The following FAF1 variants were observed in gnomAD, a reference collection of about 807,000 sequenced individuals.
FAF1 encodes the protein Fas associated factor 1.
FAF1 carries 25 observed loss-of-function variants against 92.5 expected under a neutral mutation model. That is an observed-to-expected ratio of 0.27 (90% CI 0.20 to 0.38). FAF1 has a LOEUF of 0.38. FAF1 is among the 10% of genes least tolerant of loss of function. FAF1 has a pLI of 1.00. For missense variants in FAF1, 636 were observed against 793.3 expected (o/e 0.80, Z 2.38); for synonymous variants, 234 against 273.2 (o/e 0.86, Z 1.42).
intron 3 of FAF1, among the ~76,000 whole-genome samples, chr1:50,798,123 A>G (rs1418101679): frequency 2.6e-5 from 4 of 152,156 alleles, no homozygotes; most frequent in Non-Finnish European, 5.9e-5. Context: ...TGTGAATCAA[A>G]TCAGATTTTT....
chr1:50,705,960 G>A, intron 6 of FAF1, 69 bp from the exon 7 acceptor site: 3 of 878,762 alleles, frequency 3.4e-6, no homozygotes, highest in Non-Finnish European at 5.6e-6. Flanking sequence ...ACAGCTAGCT[G>A]CAAAAACCCC....
In FAF1 at chr1:50,874,669, T is replaced by C. The variant is rs539841288; in HGVS notation, c.46-16672A>G. On this transcript the variant is annotated intron_variant, in intron 1 of 18. Coordinates refer to ENST00000396153, the MANE Select transcript of FAF1 (RefSeq NM_007051.3). ...CCACCATGCACAGCCAACTGCCCTATATATTTCAAACCCACTTTCTAAAAA... is the reference window on the plus strand; with the variant it reads ...CCACCATGCACAGCCAACTGCCCTACATATTTCAAACCCACTTTCTAAAAA... 2.0e-5 allele frequency among the ~76,000 whole-genome samples: 3 copies of C among 151,876 alleles called. No homozygotes were observed. In the East Asian group the frequency reaches 5.8e-4, roughly 29 times the overall value.
intron 6 of FAF1, among the ~76,000 whole-genome samples, chr1:50,725,445 CAA>C (rs796146693): frequency 7.2e-5 from 11 of 152,202 alleles, no homozygotes; most frequent in African/African-American, 2.4e-4. Context: ...AGGACAAAAA[CAA>C]AAAGACATTT....
At chr1:50,459,286 T>G (rs184990733) in intron 18 of FAF1, among the ~76,000 whole-genome samples, 94 of 152,278 alleles carry the variant, frequency 6.2e-4, no homozygotes, top group Admixed American at 2.3e-3. Context: ...GAACTCAGTC[T>G]TTTAACTACT....
chr1:50,957,480 T>C (rs1323101194), intron 1 of FAF1, among the ~76,000 whole-genome samples: 1 of 150,568 alleles, frequency 6.6e-6, no homozygotes, highest in Admixed American at 6.7e-5. Flanking sequence ...GCCTCCCGAG[T>C]AGCTGGGACT....
chr1:50,623,655 A>G (rs563469328), intron 8 of FAF1, among the ~76,000 whole-genome samples: 3 of 151,394 alleles, frequency 2.0e-5, no homozygotes, highest in Admixed American at 6.6e-5. Context: ...CCAGAGCACA[A>G]ATGAGGCCAG....
chr1:50,642,384 C>T (rs1183534388), intron 8 of FAF1, among the ~76,000 whole-genome samples: 1 of 151,990 alleles, frequency 6.6e-6, no homozygotes, highest in Admixed American at 6.6e-5. Flanking sequence ...GGCACGGTGG[C>T]TCACACCTGT....
intron 1 of FAF1, among the ~76,000 whole-genome samples, chr1:50,900,605 G>T (rs1238249129): frequency 6.6e-6 from 1 of 152,042 alleles, no homozygotes; most frequent in Admixed American, 6.6e-5. Context: ...TATCTACAGA[G>T]AAAAATAATA....
rs921544551 is a variant in FAF1 at position 50,724,308 on chromosome 1, C to CACAT, written c.551+14554_551+14555insATGT. 7.6e-3 allele frequency among the ~76,000 whole-genome samples: 1,059 copies of CACAT among 140,050 alleles called. 14 individuals carry two copies. The highest frequency in any genetic ancestry group is 0.016 in the African/African-American group (642 of 39,054). The allele number at this position is 140,050 out of a possible 152,430, so 91.9% of individuals were successfully genotyped here. ...ACACACACACACATACACACACACA[C>CACAT]ACACACACACACACACACACACCCC... is the stretch of plus-strand genomic sequence containing the variant. On this transcript the variant is annotated intron_variant, in intron 6 of 18. Coordinates refer to ENST00000396153, the MANE Select transcript of FAF1 (RefSeq NM_007051.3).
At chr1:50,766,865 A>T (rs185176805) in intron 4 of FAF1, among the ~76,000 whole-genome samples, 5 of 152,072 alleles carry the variant, frequency 3.3e-5, no homozygotes, top group Admixed American at 3.3e-4. Flanking sequence ...GCTCATACAG[A>T]TGAGAAAGAA....
At chr1:50,923,640 G>T (rs1644982672) in intron 1 of FAF1, among the ~76,000 whole-genome samples, 1 of 152,038 alleles carries the variant, frequency 6.6e-6, no homozygotes, top group Non-Finnish European at 1.5e-5. Context: ...GAAAACTACA[G>T]GTCAATATCC....
intron 2 of FAF1, among the ~76,000 whole-genome samples, chr1:50,808,879 A>G (rs1662312732): frequency 6.6e-6 from 1 of 152,180 alleles, no homozygotes. Flanking sequence ...CAAATCCAGC[A>G]GCACATCCAG....
intron 4 of FAF1, among the ~76,000 whole-genome samples, chr1:50,751,769 A>G (rs1159304114): frequency 6.6e-6 from 1 of 152,186 alleles, no homozygotes; most frequent in African/African-American, 2.4e-5. Flanking sequence ...TTCTCCCTCC[A>G]TAGTTATAAG....
At chr1:50,597,631 C>A (rs1213666097) in intron 8 of FAF1, among the ~76,000 whole-genome samples, 1 of 151,924 alleles carries the variant, frequency 6.6e-6, no homozygotes, top group African/African-American at 2.4e-5. Flanking sequence ...CCAAAGAAAA[C>A]CCTTTTTCAC....
At position 50,475,476 on chromosome 1, in the gene FAF1, A is replaced by C; in HGVS notation, c.1857T>G (p.Phe619Leu). Reference sequence around the variant, plus strand: ...TATGGGAACTTACGTCTCTCCTAGGAAAGGTGCTCAGTAACTTGTACTCAT... The same window carrying C: ...TATGGGAACTTACGTCTCTCCTAGGCAAGGTGCTCAGTAACTTGTACTCAT... ...PWDEYKLLST[F>L]PRRDVTQLDP... Residue 619 changes from phenylalanine (F) to leucine (L), a missense_variant, in exon 18 of 19, where the codon TTT becomes TTG. Physicochemically the swap from Phe to Leu is conservative, Grantham distance 22. This residue lies in a region of FAF1 where 319 missense variants were observed against 451.0 expected (regional missense o/e 0.71). Transcript: ENST00000396153. The C allele has an allele frequency of 6.2e-7, 1 of 1,612,960 alleles. No homozygotes were observed. Among genetic ancestry groups the C allele is most frequent in the Non-Finnish European group, 8.5e-7 (1 of 1,179,004 alleles).
chr1:50,846,564 G>A (rs747802317), intron 2 of FAF1: 19 of 522,620 alleles, frequency 3.6e-5, no homozygotes, highest in Non-Finnish European at 6.1e-5. Flanking sequence ...ATGGAAAAAG[G>A]AGCAATAGTG....
intron 4 of FAF1, among the ~76,000 whole-genome samples, chr1:50,758,886 A>G (rs956611194): frequency 6.6e-6 from 1 of 152,120 alleles, no homozygotes; most frequent in Non-Finnish European, 1.5e-5. Flanking sequence ...TCTGTTGCCC[A>G]GGCTAGAGTG....
chr1:50,461,612 A>T, intron 18 of FAF1: 1 of 152,170 alleles, frequency 6.6e-6, no homozygotes, highest in Admixed American at 6.5e-5. Flanking sequence ...TGAGGTAAAA[A>T]ATCTCTATGA....
At chr1:50,831,044 AAAC>A (rs1644147986) in intron 2 of FAF1, among the ~76,000 whole-genome samples, 1 of 152,230 alleles carries the variant, frequency 6.6e-6, no homozygotes, top group African/African-American at 2.4e-5. Flanking sequence ...AAAATCACAA[AAAC>A]AACAAAGGAA....
Sources: gnomAD v4.1 joint callset for allele counts (sites outside exome capture counted in the v4.1 genomes callset) on GRCh38, gnomAD v4.1.1 for gene constraint, gnomAD v4.1.1 regional missense constraint, MANE v1.5 for transcripts, NCBI Gene and HGNC (gene_info 2026-07-23, HGNC 2026-07-21) for gene names.